Variants in SGCZ observed in about 807,000 individuals in gnomAD.
SGCZ encodes sarcoglycan zeta.
A neutral mutation model predicts 41.3 loss-of-function variants in SGCZ; 40 were observed. The ratio of observed to expected loss-of-function variants is 0.97; its 90% CI spans 0.75 to 1.26. The LOEUF is 1.26. Ranked by LOEUF, SGCZ falls within the 50% of genes most tolerant of loss-of-function variation. The pLI is 0.00. For missense variants in SGCZ, 552 were observed against 369.8 expected (o/e 1.49, Z -4.04); for synonymous variants, 206 against 137.5 (o/e 1.50, Z -3.49).
chr8:15,200,276 T>C (rs1396753192), intron 1 of SGCZ, among the ~76,000 whole-genome samples: 1 of 152,212 alleles, frequency 6.6e-6, no homozygotes, highest in Admixed American at 6.5e-5. Flanking sequence ...ATAAATTGGC[T>C]CTTGATACTT....
intron 2 of SGCZ, among the ~76,000 whole-genome samples, chr8:14,484,216 T>A (rs1229995310): frequency 6.6e-6 from 1 of 152,178 alleles, no homozygotes; most frequent in Non-Finnish European, 1.5e-5. Flanking sequence ...TGTGGAAATG[T>A]AATTCTGATA....
intron 5 of SGCZ, among the ~76,000 whole-genome samples, chr8:14,163,152 T>C (rs1377949942): frequency 2.0e-5 from 3 of 152,186 alleles, no homozygotes; most frequent in African/African-American, 7.2e-5. Flanking sequence ...CATGAGCCAC[T>C]ATGTCCAGCC....
intron 2 of SGCZ, among the ~76,000 whole-genome samples, chr8:14,470,249 A>T (rs1192754180): frequency 1.3e-5 from 2 of 152,176 alleles, no homozygotes; most frequent in African/African-American, 4.8e-5. Flanking sequence ...ATAGAAAAAA[A>T]AATGCTGAGT....
intron 1 of SGCZ, among the ~76,000 whole-genome samples, chr8:14,659,298 G>A (rs1041828605): frequency 2.6e-5 from 4 of 152,026 alleles, no homozygotes; most frequent in African/African-American, 9.7e-5. Context: ...TGATTAACCC[G>A]ATTTGATCAT....
chr8:14,928,324 CT>C (rs548783084), intron 1 of SGCZ, among the ~76,000 whole-genome samples: 58 of 152,208 alleles, frequency 3.8e-4, no homozygotes, highest in African/African-American at 1.3e-3. Context: ...ATATGCTAGC[CT>C]TTTGTTTCCA....
In SGCZ at chr8:15,097,835, CGTGTGTGTATATATATATATACGT is replaced by C. The variant is rs1341418569; in HGVS notation, c.39+139726_39+139749del. Among the ~76,000 whole-genome samples, 90 of 102,700 alleles carry C rather than the reference CGTGTGTGTATATATATATATACGT, an allele frequency of 8.8e-4. 5 individuals are homozygous for C. The highest frequency in any genetic ancestry group is 0.01 in the Middle Eastern group (2 of 198). 67.4% of individuals were successfully genotyped at this position (102,700 alleles called of 152,430 possible). ...ATATACGTGTGTGTATATATATATA[CGTGTGTGTATATATATATATACGT>C]GTGTGTGTATATATATATATATACG... On this transcript the variant is annotated intron_variant, in intron 1 of 7. Transcript: ENST00000382080.
At chr8:14,929,603 G>A (rs1198389101) in intron 1 of SGCZ, among the ~76,000 whole-genome samples, 1 of 151,804 alleles carries the variant, frequency 6.6e-6, no homozygotes, top group African/African-American at 2.4e-5. Flanking sequence ...GCCTCCCAAA[G>A]AAGGAATATA....
intron 3 of SGCZ, among the ~76,000 whole-genome samples, chr8:14,300,336 G>A (rs891771923): frequency 9.2e-5 from 14 of 151,506 alleles, no homozygotes; most frequent in Non-Finnish European, 1.3e-4. Context: ...AGAGAGACAC[G>A]GAGGAAGAAA....
At chr8:15,213,991 T>A (rs1408204553) in intron 1 of SGCZ, among the ~76,000 whole-genome samples, 2 of 151,978 alleles carry the variant, frequency 1.3e-5, no homozygotes, top group Non-Finnish European at 2.9e-5. Context: ...AATTTTAAAC[T>A]TGCCTAAGTT....
intron 5 of SGCZ, among the ~76,000 whole-genome samples, chr8:14,116,523 A>G (rs1161715727): frequency 6.6e-6 from 1 of 152,120 alleles, no homozygotes; most frequent in Non-Finnish European, 1.5e-5. Flanking sequence ...TAAAAACTGA[A>G]AGCCTCATAA....
At chr8:14,439,541 A>AT (rs1490321537) in intron 2 of SGCZ, among the ~76,000 whole-genome samples, 2 of 151,838 alleles carry the variant, frequency 1.3e-5, no homozygotes, top group Admixed American at 6.6e-5. Context: ...TTCCCAAAAT[A>AT]TTAGCAAAGG....
chr8:14,207,186 T>A (rs541333659), intron 4 of SGCZ, among the ~76,000 whole-genome samples: 140 of 152,396 alleles, frequency 9.2e-4, no homozygotes, highest in Non-Finnish European at 5.1e-4. Flanking sequence ...ACCTTTGTAG[T>A]CTGATTCTTA....
intron 3 of SGCZ, among the ~76,000 whole-genome samples, chr8:14,280,916 G>A (rs567637415): frequency 1.4e-5 from 2 of 148,138 alleles, no homozygotes; most frequent in African/African-American, 2.5e-5. Flanking sequence ...GAAACAAGAA[G>A]GTCATCAAAC....
intron 2 of SGCZ, among the ~76,000 whole-genome samples, chr8:14,434,607 T>C (rs1280029596): frequency 1.3e-5 from 2 of 152,192 alleles, no homozygotes. Context: ...GAGAATAGGA[T>C]GTGTTTCAAT....
At chr8:14,325,399 G>A (rs552497348) in intron 2 of SGCZ, among the ~76,000 whole-genome samples, 109 of 150,918 alleles carry the variant, frequency 7.2e-4, no homozygotes, top group African/African-American at 2.6e-3. Flanking sequence ...AAAATTTGTA[G>A]GCTCAATCCC....
chr8:14,684,619 T>A (rs1176064170), intron 1 of SGCZ, among the ~76,000 whole-genome samples: 1 of 152,090 alleles, frequency 6.6e-6, no homozygotes, highest in Admixed American at 6.6e-5. Context: ...AAAATTAAAA[T>A]AGCTTTAAAA....
At chr8:14,445,758 G>A (rs1305823579) in intron 2 of SGCZ, among the ~76,000 whole-genome samples, 2 of 152,162 alleles carry the variant, frequency 1.3e-5, no homozygotes, top group Non-Finnish European at 1.5e-5. Context: ...GTGGCAAGGG[G>A]TCAACTGAGC....
intron 1 of SGCZ, among the ~76,000 whole-genome samples, chr8:15,164,639 G>GT (rs71211011): frequency 0.41 from 57,528 of 140,596 alleles, 12,587 homozygotes; most frequent in Non-Finnish European, 0.49. Context: ...TTTTAAGCAA[G>GT]TTTTTTTTTT....
intron 1 of SGCZ, among the ~76,000 whole-genome samples, chr8:14,688,632 G>A (rs10097084): frequency 0.061 from 9,325 of 152,134 alleles, 410 homozygotes; most frequent in Non-Finnish European, 0.086. Context: ...GTAGCGTGAC[G>A]CCTCCAGCAT....
Sources: allele counts gnomAD v4.1 joint callset (sites outside exome capture counted in the v4.1 genomes callset), GRCh38; gene constraint gnomAD v4.1.1; transcripts MANE v1.5; gene names NCBI Gene and HGNC (gene_info 2026-07-23, HGNC 2026-07-21).